Variants in MICAL2 observed in about 807,000 individuals in gnomAD.
The protein encoded by MICAL2 is microtubule associated monooxygenase, calponin and LIM domain containing 2, also known as [F-actin]-monooxygenase MICAL2.
A neutral mutation model predicts 127.3 loss-of-function variants in MICAL2; 77 were observed. That is an observed-to-expected ratio of 0.60 (90% CI 0.50 to 0.73). The LOEUF is 0.73. Among genes scored for constraint, MICAL2 ranks in the 30% least tolerant of loss-of-function variants. MICAL2 has a pLI of 0.00. For synonymous variants in MICAL2, 570 were observed against 551.1 expected (o/e 1.03, Z -0.48); for missense variants, 1,351 against 1,434.4 (o/e 0.94, Z 0.94).
chr11:12,156,941 C>T (rs781236035), intron 2 of MICAL2, among the ~76,000 whole-genome samples: 3 of 152,228 alleles, frequency 2.0e-5, no homozygotes, highest in Non-Finnish European at 4.4e-5. Flanking sequence ...TCCAGAGCTC[C>T]TTAGTGACGT....
At chr11:12,297,994 T>G (rs534348928) in intron 29 of MICAL2, among the ~76,000 whole-genome samples, 1 of 151,996 alleles carries the variant, frequency 6.6e-6, no homozygotes, top group East Asian at 1.9e-4. Context: ...TTTCTAAAAT[T>G]TCCTGGCTCT....
intron 15 of MICAL2, among the ~76,000 whole-genome samples, chr11:12,235,907 T>C (rs1858982947): frequency 6.6e-6 from 1 of 152,232 alleles, no homozygotes; most frequent in Admixed American, 6.5e-5. Flanking sequence ...GAAGATCTTT[T>C]GGGGTGTAAT....
At chr11:12,268,685 A>C (rs1301920274), downstream of MICAL2, among the ~76,000 whole-genome samples, 1 of 152,158 alleles carries the variant, frequency 6.6e-6, no homozygotes, top group Non-Finnish European at 1.5e-5. Flanking sequence ...CAGGGGACCC[A>C]CCCTCAGATA....
chr11:12,304,028 C>G (rs1448303345), intron 29 of MICAL2, among the ~76,000 whole-genome samples: 1 of 151,994 alleles, frequency 6.6e-6, no homozygotes, highest in African/African-American at 2.4e-5. Context: ...ATACTGGTCA[C>G]AAACAAATAA....
chr11:12,224,542 C>G, intron 12 of MICAL2, 131 bp from the exon 13 acceptor site: 1 of 1,246,632 alleles, frequency 8.0e-7, no homozygotes, highest in Non-Finnish European at 1.1e-6. Flanking sequence ...GCCAGTGGCC[C>G]CCTGCCCTGG....
rs939077024 is a variant in MICAL2 at position 12,255,266 on chromosome 11, C to T, written c.2848-377C>T. 3 of 239,864 alleles carry T rather than the reference C, an allele frequency of 1.3e-5. No homozygotes were observed. The Admixed American group carries it at 1.4e-4, about 11-fold the overall frequency. The allele number at this position is 239,864 out of a possible 1,614,324, so 14.9% of individuals were successfully genotyped here. A position where few individuals can be genotyped will look rare whatever the true frequency, so the allele number is the denominator to read the frequency against. ...ACGGTTTAGTGGTATTAAATACATC[C>T]TTCGTGTGCAACCCTCACCATCCTC... On this transcript the variant is annotated intron_variant, in intron 22 of 27. Coordinates refer to ENST00000683283, the MANE Select transcript of MICAL2 (RefSeq NM_001282663.2).
chr11:12,110,713 C>A lies in MICAL2; in HGVS notation c.-162C>A, dbSNP rs1849525724. ...CAGGCCTGACCCGGGGCCGGGCAGC[C>A]CGCGCGACTTTCGGTAAGGCGGGGG... On this transcript the variant is annotated 5_prime_UTR_variant, in exon 1 of 28. Coordinates refer to ENST00000683283, the MANE Select transcript of MICAL2 (RefSeq NM_001282663.2). This position sits in a 1 kb window ranked among gnomAD's most constrained non-coding sequence, Gnocchi z 4.5. 1 of 151,154 alleles carries A rather than the reference C, an allele frequency of 6.6e-6. No homozygotes were observed. Among genetic ancestry groups the A allele is most frequent in the Admixed American group, 6.6e-5 (1 of 15,202 alleles). 9.4% of individuals were successfully genotyped at this position (151,154 alleles called of 1,614,324 possible).
intron 2 of MICAL2, among the ~76,000 whole-genome samples, chr11:12,152,059 G>A (rs1362577697): frequency 6.6e-6 from 1 of 151,442 alleles, no homozygotes; most frequent in Non-Finnish European, 1.5e-5. Context: ...AGGCCGAGGA[G>A]GGTGGATCAC....
At chr11:12,309,009 G>A (rs1864143849) in intron 29 of MICAL2, among the ~76,000 whole-genome samples, 1 of 152,134 alleles carries the variant, frequency 6.6e-6, no homozygotes, top group African/African-American at 2.4e-5. Flanking sequence ...TAGTCAACAT[G>A]TGCTAAATGA....
chr11:12,270,368 T>C (rs1199196785), intron 24 of MICAL2, among the ~76,000 whole-genome samples: 1 of 152,170 alleles, frequency 6.6e-6, no homozygotes, highest in Non-Finnish European at 1.5e-5. Context: ...GGCTTACTGT[T>C]AGTTTTGACT....
At chr11:12,346,314 C>T (rs577372898) in intron 32 of MICAL2, among the ~76,000 whole-genome samples, 4 of 152,242 alleles carry the variant, frequency 2.6e-5, no homozygotes, top group African/African-American at 9.6e-5. Context: ...ATACTGTGTG[C>T]CAGGACTGGG....
chr11:12,250,911 G>T (rs1861446718), intron 22 of MICAL2, among the ~76,000 whole-genome samples: 1 of 152,098 alleles, frequency 6.6e-6, no homozygotes, highest in African/African-American at 2.4e-5. Flanking sequence ...CCACTGGACT[G>T]GCTCTAACCC....
downstream of MICAL2, among the ~76,000 whole-genome samples, chr11:12,359,501 A>C (rs540529138): frequency 6.6e-6 from 1 of 152,300 alleles, no homozygotes; most frequent in Non-Finnish European, 1.5e-5. Context: ...CTCCCCAGGA[A>C]CTCTACAGAG....
At chr11:12,258,992 A>G (rs941898646) in intron 25 of MICAL2, among the ~76,000 whole-genome samples, 1 of 152,240 alleles carries the variant, frequency 6.6e-6, no homozygotes, top group Non-Finnish European at 1.5e-5. Flanking sequence ...TGACCAGCCC[A>G]CTGAATTCAT....
chr11:12,205,863 G>C (rs1205258308), intron 4 of MICAL2, among the ~76,000 whole-genome samples: 4 of 152,204 alleles, frequency 2.6e-5, no homozygotes, highest in African/African-American at 9.7e-5. Context: ...ATCCAGAGCT[G>C]CTTTCTCTGT....
At chr11:12,339,645 T>A (rs1938826177) in intron 32 of MICAL2, among the ~76,000 whole-genome samples, 1 of 152,228 alleles carries the variant, frequency 6.6e-6, no homozygotes, top group Non-Finnish European at 1.5e-5. Flanking sequence ...TCCTTTCTGT[T>A]TGTTAGTTTT....
At chr11:12,222,427 C>T (rs1390579036) in intron 10 of MICAL2, among the ~76,000 whole-genome samples, 190 bp from the exon 11 acceptor site, 1 of 152,216 alleles carries the variant, frequency 6.6e-6, no homozygotes, top group African/African-American at 2.4e-5. Flanking sequence ...CCCCTTTCCT[C>T]TCGGCCCCTT....
chr11:12,315,891 T>C (rs942040678), intron 29 of MICAL2, among the ~76,000 whole-genome samples: 1 of 152,202 alleles, frequency 6.6e-6, no homozygotes, highest in Admixed American at 6.5e-5. Flanking sequence ...CAATTTTTGC[T>C]TCATGTATTT....
downstream of MICAL2, among the ~76,000 whole-genome samples, chr11:12,361,898 A>G (rs1939211037): frequency 6.6e-6 from 1 of 152,354 alleles, no homozygotes; most frequent in East Asian, 1.9e-4. Flanking sequence ...AGAGAGGGGC[A>G]GTCATTGGAT....
Sources: gnomAD v4.1 joint callset for allele counts (sites outside exome capture counted in the v4.1 genomes callset) on GRCh38, gnomAD v4.1.1 for gene constraint, Gnocchi (gnomAD v3.1) non-coding constraint, MANE v1.5 for transcripts, NCBI Gene and HGNC (gene_info 2026-07-23, HGNC 2026-07-21) for gene names.